The following ZNF766 variants were observed in gnomAD, a reference collection of about 807,000 sequenced individuals.
The protein encoded by ZNF766 is zinc finger protein 766.
A neutral mutation model predicts 13.2 loss-of-function variants in ZNF766; 13 were observed. The ratio of observed to expected loss-of-function variants is 0.98; its 90% CI spans 0.64 to 1.56. The LOEUF is 1.56. ZNF766 is among the 40% of genes most tolerant of loss of function. The probability of loss-of-function intolerance (pLI) is 0.00; values close to 1 mark genes in which losing one functional copy is unlikely to be tolerated. For synonymous variants in ZNF766, 178 were observed against 187.6 expected (o/e 0.95, Z 0.42); for missense variants, 521 against 552.2 (o/e 0.94, Z 0.57).
At chr19:52,287,753 ATTTT>A in intron 3 of ZNF766, among the ~76,000 whole-genome samples, 1 of 152,028 alleles carries the variant, frequency 6.6e-6, no homozygotes, top group South Asian at 2.1e-4. Context: ...TGGTTAACAT[ATTTT>A]TTGTTATATA....
At chr19:52,269,848 C>T (rs192625674) in intron 1 of ZNF766, among the ~76,000 whole-genome samples, 1 of 152,178 alleles carries the variant, frequency 6.6e-6, no homozygotes, top group Admixed American at 6.5e-5. Flanking sequence ...GCTTTCGCGC[C>T]GTTTTCCTGC....
At chr19:52,277,022 C>T (rs751952420) in intron 1 of ZNF766, 32 of 790,974 alleles carry the variant, frequency 4.0e-5, no homozygotes, top group Non-Finnish European at 4.9e-5. Flanking sequence ...ATTGTCCCGG[C>T]ATCAACTCTG....
chr19:52,281,185 G>A (rs1240167265), intron 1 of ZNF766, among the ~76,000 whole-genome samples: 4 of 151,592 alleles, frequency 2.6e-5, no homozygotes, highest in Non-Finnish European at 4.4e-5. Context: ...TTGAACAGTT[G>A]AAATTACATC....
rs1334601677 is a variant in ZNF766 at position 52,289,823 on chromosome 19, A to G, written c.275-243A>G. 3.9e-5 allele frequency among the ~76,000 whole-genome samples: 6 copies of G among 151,984 alleles called. No individual in the cohort carries two copies. The East Asian group carries it at 1.2e-3, about 30-fold the overall frequency. ...AGACCATCCTGGCTAACACAGTGAA[A>G]CCCCGTCTCTACTAAAAATACAAAA... On this transcript the variant is annotated intron_variant, in intron 3 of 3. Coordinates refer to ENST00000439461, the MANE Select transcript of ZNF766 (RefSeq NM_001010851.3).
intron 1 of ZNF766, among the ~76,000 whole-genome samples, chr19:52,270,115 C>G (rs981355405): frequency 2.0e-5 from 3 of 152,184 alleles, no homozygotes; most frequent in African/African-American, 7.2e-5. Context: ...GTCACGGCTT[C>G]TCCGGATCCT....
rs761947611 is a variant in ZNF766 at position 52,290,622 on chromosome 19, C to T, written c.831C>T (p.Gly277=). ...GESPYKCNEC[G]KVFSRITYLV... ...GTCCTTACAAATGTAATGAGTGTGG[C>T]AAGGTCTTCAGTCGAATTACATACC... The change falls in exon 4 of 4, where the codon GGC becomes GGT. Residue 277 remains glycine, a synonymous_variant. Transcript: ENST00000439461. 1 of 1,613,994 alleles carries T rather than the reference C, an allele frequency of 6.2e-7. No individual in the cohort carries two copies. Among genetic ancestry groups the T allele is most frequent in the African/African-American group, 1.3e-5 (1 of 75,030 alleles).
At position 52,290,452 on chromosome 19, in the gene ZNF766, G is replaced by A. The variant is rs1328249939; in HGVS notation, c.661G>A (p.Gly221Ser). The change falls in exon 4 of 4, where the codon GGT becomes AGT. Residue 221 changes from glycine to serine, a missense_variant. By Grantham distance (56) the Gly-to-Ser change is moderately conservative (BLOSUM62 0). Transcript: ENST00000439461. ...TAAACCTAACAGATGTCATGAATGT[G>A]GTAAAACCGTCAGGGACAAGTCAGG... The part of the protein sequence containing the change: ...ADKPNRCHEC[G>S]KTVRDKSGLA... The A allele has an allele frequency of 6.2e-7, 1 of 1,613,876 alleles. No individual in the cohort carries two copies. Among genetic ancestry groups the A allele is most frequent in the Non-Finnish European group, 8.5e-7 (1 of 1,179,928 alleles).
At chr19:52,271,416 C>T (rs1980967550) in intron 1 of ZNF766, among the ~76,000 whole-genome samples, 1 of 152,036 alleles carries the variant, frequency 6.6e-6, no homozygotes, top group South Asian at 2.1e-4. Context: ...TCCATCTCAA[C>T]CAGTAAAGGG....
chr19:52,279,047 T>C (rs573672487), intron 1 of ZNF766, among the ~76,000 whole-genome samples: 1 of 152,322 alleles, frequency 6.6e-6, no homozygotes, highest in Admixed American at 6.5e-5. Flanking sequence ...GAGTTGATTT[T>C]TGTATATGGT....
rs1162573428 is a variant in ZNF766 at position 52,293,127 on chromosome 19, C to A, written c.*1929C>A. 1 of 151,578 alleles carries A rather than the reference C, an allele frequency of 6.6e-6. No individual in the cohort carries two copies. The highest frequency in any genetic ancestry group is 1.5e-5 in the Non-Finnish European group (1 of 67,992). The allele number at this position is 151,578 out of a possible 1,614,324, so 9.4% of individuals were successfully genotyped here. A position where few individuals can be genotyped will look rare whatever the true frequency, so the allele number is the denominator to read the frequency against. ...GATGGTTTCCAGCTTCATCAATGTCCCTGCAAAGGACATGAACTCATCCTT... is the reference window on the plus strand; with the variant it reads ...GATGGTTTCCAGCTTCATCAATGTCACTGCAAAGGACATGAACTCATCCTT... On this transcript the variant is annotated 3_prime_UTR_variant, in exon 4 of 4. Transcript: ENST00000439461.
At chr19:52,276,505 T>C (rs756091758) in intron 1 of ZNF766, among the ~76,000 whole-genome samples, 1 of 152,004 alleles carries the variant, frequency 6.6e-6, no homozygotes, top group Non-Finnish European at 1.5e-5. Context: ...TTTTGTTTTG[T>C]TTTGTTTTGT....
intron 1 of ZNF766, among the ~76,000 whole-genome samples, chr19:52,279,872 T>A (rs1057184168): frequency 2.1e-5 from 3 of 141,986 alleles, no homozygotes; most frequent in African/African-American, 8.1e-5. Context: ...CTCGGCTCAG[T>A]GCAACCTGCA....
Position 52,282,199 on chromosome 19 carries a change from A to T in ZNF766, c.107A>T (p.Asp36Val). The T allele has an allele frequency of 6.2e-7, 1 of 1,605,132 alleles. No individual in the cohort carries two copies. The highest frequency in any genetic ancestry group is 8.5e-7 in the Non-Finnish European group (1 of 1,174,272). ...CCTGTGCAGAAGGCTTTATACAGGGATGTGATGTTGGAGAACTACAGGAAC... is the reference window on the plus strand; with the variant it reads ...CCTGTGCAGAAGGCTTTATACAGGGTTGTGATGTTGGAGAACTACAGGAAC... ...LDPVQKALYR[D>V]VMLENYRNLV... Residue 36 changes from aspartate (D) to valine (V), a missense_variant, in exon 2 of 4, where the codon GAT (aspartate) becomes GTT (valine). Coordinates refer to ENST00000439461, the MANE Select transcript of ZNF766 (RefSeq NM_001010851.3).
At position 52,290,794 on chromosome 19, in the gene ZNF766, G is replaced by A; in HGVS notation, c.1003G>A (p.Glu335Lys). The A allele has an allele frequency of 6.2e-7, 1 of 1,613,860 alleles. No homozygotes were observed. Residue 335 changes from glutamate to lysine, a missense_variant, in exon 4 of 4, where the codon GAA becomes AAA. Glu to Lys is a moderately conservative substitution (Grantham distance 56, BLOSUM62 1). Transcript: ENST00000439461. ...KLYKCNKCGK[E>K]FSGHSSLTTH... ...TTACAAATGTAATAAATGTGGCAAAGAATTTAGTGGGCATTCAAGCCTCAC... is the reference window on the plus strand; with the variant it reads ...TTACAAATGTAATAAATGTGGCAAAAAATTTAGTGGGCATTCAAGCCTCAC...
In ZNF766 at chr19:52,290,281, C is replaced by G; in HGVS notation, c.490C>G (p.His164Asp). ...GGTCAAAACCCACATATTTAATAAA[C>G]ATAGGAATGATTTTGTTGATTTTCC... ...SGVKTHIFNK[H>D]RNDFVDFPLL... The change falls in exon 4 of 4, where the codon CAT (histidine) becomes GAT (aspartate). Residue 164 changes from histidine to aspartate, a missense_variant. By Grantham distance (81) the His-to-Asp change is moderately conservative (BLOSUM62 -1). Transcript: ENST00000439461. 1 of 1,613,768 alleles carries G rather than the reference C, an allele frequency of 6.2e-7. No homozygotes were observed.
At chr19:52,271,180 T>C (rs1011949772) in intron 1 of ZNF766, among the ~76,000 whole-genome samples, 6 of 152,160 alleles carry the variant, frequency 3.9e-5, no homozygotes, top group Non-Finnish European at 8.8e-5. Context: ...TTACAAAGGA[T>C]ACAGGTGGAA....
intron 3 of ZNF766, among the ~76,000 whole-genome samples, chr19:52,289,658 C>T (rs541948327): frequency 2.0e-5 from 3 of 152,130 alleles, no homozygotes; most frequent in Non-Finnish European, 4.4e-5. Flanking sequence ...GATATTTCTT[C>T]CAGTGTCTGA....
Position 52,290,370 on chromosome 19 carries a change from C to G in ZNF766, c.579C>G (p.Gly193=). The G allele has an allele frequency of 6.2e-7, 1 of 1,614,026 alleles. No homozygotes were observed. The highest frequency in any genetic ancestry group is 8.5e-7 in the Non-Finnish European group (1 of 1,180,034). ...AACCTTACGAATGTAATGAGCAGGG[C>G]AAAGTCTTCAGAGTGTCTTCAAGCC... is the stretch of plus-strand genomic sequence containing the variant. ...RRKPYECNEQ[G]KVFRVSSSLP... is the part of the protein sequence containing the mutation. The change falls in exon 4 of 4, where the codon GGC becomes GGG. Residue 193 remains glycine (G), a synonymous_variant. Transcript: ENST00000439461.
intron 1 of ZNF766, among the ~76,000 whole-genome samples, chr19:52,271,472 C>G (rs774336584): frequency 6.6e-6 from 1 of 152,178 alleles, no homozygotes; most frequent in African/African-American, 2.4e-5. Context: ...GGCCTGTGAT[C>G]TCTACTCAGT....
Sources: allele counts gnomAD v4.1 joint callset (sites outside exome capture counted in the v4.1 genomes callset), GRCh38; gene constraint gnomAD v4.1.1; transcripts MANE v1.5; gene names NCBI Gene and HGNC (gene_info 2026-07-23, HGNC 2026-07-21).